MTA3: variants seen among roughly 807,000 people sequenced by gnomAD.
MTA3 encodes the protein metastasis-associated protein MTA3.
A neutral mutation model predicts 83.5 loss-of-function variants in MTA3; 34 were observed. The ratio of observed to expected loss-of-function variants is 0.41; its 90% CI spans 0.31 to 0.54. MTA3 has a LOEUF of 0.54. Among genes scored for constraint, MTA3 ranks in the 20% least tolerant of loss-of-function variants. The probability of loss-of-function intolerance (pLI) is 0.33; values close to 1 mark genes in which losing one functional copy is unlikely to be tolerated. For missense variants in MTA3, 761 were observed against 726.4 expected (o/e 1.05, Z -0.55); for synonymous variants, 303 against 252.7 (o/e 1.20, Z -1.89).
chr2:42,714,300 A>G (rs1479115360), intron 14 of MTA3, among the ~76,000 whole-genome samples: 1 of 152,208 alleles, frequency 6.6e-6, no homozygotes, highest in Non-Finnish European at 1.5e-5. Context: ...GATATGTGAT[A>G]CAAATAGTTC....
At chr2:42,588,398 C>G (rs1456168209) in intron 3 of MTA3, among the ~76,000 whole-genome samples, 4 of 152,068 alleles carry the variant, frequency 2.6e-5, no homozygotes, top group Non-Finnish European at 5.9e-5. Context: ...AATCTCTGCC[C>G]TTAGAGCTTA....
At chr2:42,575,068 A>G (rs564373806) in intron 2 of MTA3, among the ~76,000 whole-genome samples, 2 of 152,278 alleles carry the variant, frequency 1.3e-5, no homozygotes, top group African/African-American at 2.4e-5. Context: ...ATGAGACCCT[A>G]TATTCTTTGG....
chr2:42,671,992 A>G (rs969708522), intron 8 of MTA3, among the ~76,000 whole-genome samples: 1 of 152,172 alleles, frequency 6.6e-6, no homozygotes, highest in Non-Finnish European at 1.5e-5. Context: ...AAACTCAACT[A>G]TTACACTTTT....
rs896046411 is a variant in MTA3, at chr2:42,579,055, T to C, written c.97-52T>C. 9 of 1,251,370 alleles carry C rather than the reference T, an allele frequency of 7.2e-6. No individual in the cohort carries two copies. In the East Asian group the frequency reaches 2.2e-4, roughly 31 times the overall value. 77.5% of individuals were successfully genotyped at this position (1,251,370 alleles called of 1,614,324 possible). On this transcript the variant is annotated intron_variant, in intron 2 of 16. Transcript: ENST00000405094. ...CTGTATCTAGTTTCGTTGTATAAAT[T>C]ATTTGACTCTAATATTCAGTGCAAA...
At chr2:42,576,162 T>C (rs1205110248) in intron 2 of MTA3, among the ~76,000 whole-genome samples, 1 of 152,204 alleles carries the variant, frequency 6.6e-6, no homozygotes, top group Non-Finnish European at 1.5e-5. Flanking sequence ...TCTCTACCCA[T>C]ACAGGGTCCA....
At chr2:42,738,616 T>C (rs1668779553) in intron 16 of MTA3, among the ~76,000 whole-genome samples, 1 of 152,216 alleles carries the variant, frequency 6.6e-6, no homozygotes, top group Non-Finnish European at 1.5e-5. Flanking sequence ...ATAACAGCAA[T>C]TGTTCAGGGA....
At chr2:42,616,322 C>G (rs1684880932) in intron 4 of MTA3, among the ~76,000 whole-genome samples, 1 of 151,988 alleles carries the variant, frequency 6.6e-6, no homozygotes, top group African/African-American at 2.4e-5. Flanking sequence ...TTTGGCCTCC[C>G]AAAGTGTTGG....
At chr2:42,629,114 C>T (rs1686416750) in intron 4 of MTA3, among the ~76,000 whole-genome samples, 1 of 152,094 alleles carries the variant, frequency 6.6e-6, no homozygotes, top group South Asian at 2.1e-4. Flanking sequence ...GAGTCTTGCT[C>T]TGTGGCCCAC....
At position 42,680,117 on chromosome 2, in the gene MTA3, C is replaced by T. The variant is rs554958261; in HGVS notation, c.703-2284C>T. The T allele has an allele frequency of 3.3e-5, 5 of 153,056 alleles. No individual in the cohort carries two copies. In the East Asian group the frequency reaches 9.6e-4, roughly 30 times the overall value. 9.5% of individuals were successfully genotyped at this position (153,056 alleles called of 1,614,324 possible). ...TATTTATCTTTCATTTCTGTCAATT[C>T]TAGGGGAAGCACTTCTATTTCTGGA... On this transcript the variant is annotated intron_variant, in intron 8 of 16. Coordinates refer to ENST00000405094, the MANE Select transcript of MTA3 (RefSeq NM_001330442.2).
chr2:42,715,526 T>A (rs547612141), intron 14 of MTA3, among the ~76,000 whole-genome samples: 1 of 150,602 alleles, frequency 6.6e-6, no homozygotes, highest in South Asian at 2.1e-4. Context: ...CTCCTCCTCC[T>A]CCTGAGTAGC....
At chr2:42,520,686 G>A (rs978847816) in intron 2 of MTA3, among the ~76,000 whole-genome samples, 6 of 151,622 alleles carry the variant, frequency 4.0e-5, no homozygotes, top group Admixed American at 3.3e-4. Context: ...CCACCTCAAC[G>A]TCCCAAGTAG....
chr2:42,550,295 A>T (rs553776581), intron 2 of MTA3, among the ~76,000 whole-genome samples: 61 of 152,286 alleles, frequency 4.0e-4, no homozygotes, highest in Middle Eastern at 3.4e-3. Context: ...AAAAGCATTA[A>T]ATTTGTGGGT....
chr2:42,681,864 A>G (rs1283705670), intron 8 of MTA3, among the ~76,000 whole-genome samples: 5 of 151,492 alleles, frequency 3.3e-5, no homozygotes, highest in Non-Finnish European at 7.4e-5. Flanking sequence ...GCACTCCAGC[A>G]TGGGTAACAG....
chr2:42,567,260 G>A (rs143551881), upstream of MTA3, among the ~76,000 whole-genome samples: 3 of 152,268 alleles, frequency 2.0e-5, no homozygotes, highest in African/African-American at 7.2e-5. Flanking sequence ...GGGAACTCAC[G>A]TCCCCATTTT....
intron 2 of MTA3, among the ~76,000 whole-genome samples, chr2:42,576,571 C>T (rs566956479): frequency 5.3e-5 from 8 of 149,558 alleles, no homozygotes; most frequent in African/African-American, 2.0e-4. Flanking sequence ...TTGAGACCAG[C>T]CTGTGCAACA....
At chr2:42,657,901 C>G (rs1336689014) in intron 7 of MTA3, among the ~76,000 whole-genome samples, 1 of 151,480 alleles carries the variant, frequency 6.6e-6, no homozygotes, top group East Asian at 1.9e-4. Context: ...GAAACCCCGT[C>G]TCTACAAAAA....
chr2:42,578,508 C>T (rs115602182), intron 2 of MTA3, among the ~76,000 whole-genome samples: 141 of 152,262 alleles, frequency 9.3e-4, no homozygotes, highest in African/African-American at 3.1e-3. Context: ...AGAATATTGA[C>T]TCTTAGAGAT....
chr2:42,551,503 A>G lies in MTA3; in HGVS notation c.-140-18934A>G, dbSNP rs552978394. 3.3e-5 allele frequency among the ~76,000 whole-genome samples: 5 copies of G among 152,022 alleles called. No individual in the cohort carries two copies. In the South Asian group the frequency reaches 6.2e-4, roughly 19 times the overall value. On this transcript the variant is annotated intron_variant, in intron 2 of 17. Transcript: ENST00000405592. ...ACCACGCTGGCTTTATTTCTCAAGTATCTTCTATCTGCCAGGTGTGCCCTT... is the reference window on the plus strand; with the variant it reads ...ACCACGCTGGCTTTATTTCTCAAGTGTCTTCTATCTGCCAGGTGTGCCCTT...
intron 11 of MTA3, 152 bp from the exon 12 acceptor site, chr2:42,704,042 A>T: frequency 1.2e-6 from 1 of 842,370 alleles, no homozygotes; most frequent in African/African-American, 1.7e-5. Context: ...GAGTTCATTT[A>T]ACACCTTGGT....
Sources: allele counts gnomAD v4.1 joint callset (sites outside exome capture counted in the v4.1 genomes callset), GRCh38; gene constraint gnomAD v4.1.1; transcripts MANE v1.5; gene names NCBI Gene and HGNC (gene_info 2026-07-23, HGNC 2026-07-21).